SGCD: variants seen among roughly 807,000 people sequenced by gnomAD.
SGCD encodes the protein delta-sarcoglycan.
In SGCD, 18 loss-of-function variants were observed where a neutral mutation model predicts 36.6. The ratio of observed to expected loss-of-function variants is 0.49; its 90% CI spans 0.34 to 0.73. The LOEUF (loss-of-function observed/expected upper bound fraction) is 0.73. Ranked by LOEUF, SGCD falls within the 30% of genes least tolerant of loss-of-function variation. SGCD has a pLI of 0.01. For synonymous variants in SGCD, 133 were observed against 130.6 expected (o/e 1.02, Z -0.12); for missense variants, 387 against 346.7 (o/e 1.12, Z -0.92).
chr5:156,578,819 G>T (rs1484321224), intron 4 of SGCD, among the ~76,000 whole-genome samples: 1 of 152,092 alleles, frequency 6.6e-6, no homozygotes, highest in Non-Finnish European at 1.5e-5. Flanking sequence ...TTCTGTATTA[G>T]TCTTGCTAGT....
chr5:156,070,632 G>A (rs918816627), intron 1 of SGCD, among the ~76,000 whole-genome samples: 1 of 152,100 alleles, frequency 6.6e-6, no homozygotes, highest in Non-Finnish European at 1.5e-5. Context: ...GTATCAGGAT[G>A]ATGCTGGCCT....
At chr5:155,820,688 T>A in the SGCD span, among the ~76,000 whole-genome samples, 2 of 151,906 alleles carry the variant, frequency 1.3e-5, no homozygotes, top group Admixed American at 6.6e-5. Flanking sequence ...CAGAGTGAAA[T>A]GTTGTCTCAA....
intron 3 of SGCD, among the ~76,000 whole-genome samples, chr5:156,478,004 G>A (rs1430223508): frequency 6.6e-6 from 1 of 151,968 alleles, no homozygotes; most frequent in African/African-American, 2.4e-5. Context: ...GAGTGGGGAG[G>A]GGAATGGGAA....
chr5:156,736,327 T>C (rs1304861428), intron 7 of SGCD, among the ~76,000 whole-genome samples: 1 of 152,234 alleles, frequency 6.6e-6, no homozygotes. Flanking sequence ...AGCCATAGGA[T>C]AAACTTGACA....
intron 6 of SGCD, among the ~76,000 whole-genome samples, chr5:156,624,804 T>C (rs558986026): frequency 1.1e-4 from 17 of 152,142 alleles, no homozygotes; most frequent in African/African-American, 3.6e-4. Flanking sequence ...GACAGAAAAA[T>C]GATGCAAGCG....
intron 1 of SGCD, among the ~76,000 whole-genome samples, chr5:155,878,803 T>C (rs1342408506): frequency 1.3e-5 from 2 of 152,136 alleles, no homozygotes; most frequent in Non-Finnish European, 2.9e-5. Flanking sequence ...ACTATTCATG[T>C]GAGTATATAT....
intron 7 of SGCD, among the ~76,000 whole-genome samples, chr5:156,657,116 A>T (rs113883011): frequency 6.6e-6 from 1 of 152,150 alleles, no homozygotes; most frequent in East Asian, 1.9e-4. Flanking sequence ...TTAAACTATC[A>T]AAACAGTCTA....
At chr5:155,988,040 C>T (rs904181094) in intron 1 of SGCD, among the ~76,000 whole-genome samples, 15 of 152,230 alleles carry the variant, frequency 9.9e-5, no homozygotes, top group African/African-American at 2.9e-4. Flanking sequence ...AAGAGACAGG[C>T]TCAGAAGAAA....
chr5:156,582,072 A>AT (rs200425135), intron 4 of SGCD, among the ~76,000 whole-genome samples: 2,799 of 151,840 alleles, frequency 0.018, 37 homozygotes, highest in Non-Finnish European at 0.031. Context: ...TGGGGGCTCA[A>AT]TTTTTTTTTA....
At chr5:156,757,737 C>T in intron 8 of SGCD, 33 bp downstream of exon 8, 2 of 1,589,622 alleles carry the variant, frequency 1.3e-6, no homozygotes, top group East Asian at 4.5e-5. Flanking sequence ...GTTCAAAGAG[C>T]TACAGCTTCA....
intron 3 of SGCD, among the ~76,000 whole-genome samples, chr5:156,309,794 G>A (rs968820445): frequency 6.6e-6 from 1 of 151,780 alleles, no homozygotes; most frequent in Non-Finnish European, 1.5e-5. Context: ...CCCGATCTTT[G>A]AGCATCTTTA....
At chr5:156,313,429 G>A (rs184590689) in intron 3 of SGCD, among the ~76,000 whole-genome samples, 1 of 151,956 alleles carries the variant, frequency 6.6e-6, no homozygotes. Context: ...TTTTGTGTGT[G>A]TGAGGTAAAG....
chr5:155,780,537 C>T, the SGCD span, among the ~76,000 whole-genome samples: 2 of 152,096 alleles, frequency 1.3e-5, no homozygotes, highest in Admixed American at 1.3e-4. Context: ...GGTGCCTTCA[C>T]GACTGCTGAG....
intron 7 of SGCD, among the ~76,000 whole-genome samples, chr5:156,703,742 A>G (rs2113735521): frequency 6.6e-6 from 1 of 152,314 alleles, no homozygotes; most frequent in African/African-American, 2.4e-5. Context: ...TGAATATAAA[A>G]TAACAATATA....
At chr5:156,073,295 T>TA (rs1275806497) in intron 1 of SGCD, among the ~76,000 whole-genome samples, 1 of 152,206 alleles carries the variant, frequency 6.6e-6, no homozygotes, top group Non-Finnish European at 1.5e-5. Flanking sequence ...GCCAGTCTCC[T>TA]ACCTGTAATC....
intron 1 of SGCD, among the ~76,000 whole-genome samples, chr5:156,041,832 C>A (rs1759643604): frequency 6.6e-6 from 1 of 152,158 alleles, no homozygotes; most frequent in Admixed American, 6.5e-5. Context: ...AGAATAGTAA[C>A]TTCTGATTGT....
At chr5:156,266,124 T>C (rs1449043898) in intron 3 of SGCD, among the ~76,000 whole-genome samples, 2 of 152,236 alleles carry the variant, frequency 1.3e-5, no homozygotes, top group African/African-American at 4.8e-5. Context: ...TATTTACATA[T>C]AAAAAGCTTG....
At chr5:156,204,187 C>A (rs1039691853) in intron 3 of SGCD, among the ~76,000 whole-genome samples, 2 of 151,952 alleles carry the variant, frequency 1.3e-5, no homozygotes, top group Admixed American at 1.3e-4. Context: ...TGTTACTGGA[C>A]CTGCAGCTCC....
chr5:156,032,826 T>C (rs1581052762), intron 1 of SGCD, among the ~76,000 whole-genome samples: 1 of 151,330 alleles, frequency 6.6e-6, no homozygotes, highest in Non-Finnish European at 1.5e-5. Context: ...TTGTAGCACT[T>C]TGGGAAGTAA....
Sources: gnomAD v4.1 joint callset for allele counts (sites outside exome capture counted in the v4.1 genomes callset) on GRCh38, gnomAD v4.1.1 for gene constraint, MANE v1.5 for transcripts, NCBI Gene and HGNC (gene_info 2026-07-23, HGNC 2026-07-21) for gene names.